Variants in IL1RN observed in about 807,000 individuals in gnomAD.
IL1RN encodes interleukin-1 receptor antagonist protein.
A neutral mutation model predicts 13.7 loss-of-function variants in IL1RN; 10 were observed. The ratio of observed to expected loss-of-function variants is 0.73; its 90% CI spans 0.45 to 1.24. The LOEUF is 1.24. Ranked by LOEUF, IL1RN falls within the 50% of genes most tolerant of loss-of-function variation. The probability of loss-of-function intolerance (pLI) is 0.00; values close to 1 mark genes in which losing one functional copy is unlikely to be tolerated. For missense variants in IL1RN, 213 were observed against 222.1 expected (o/e 0.96, Z 0.26); for synonymous variants, 102 against 82.7 (o/e 1.23, Z -1.27).
upstream of IL1RN, chr2:113,117,389 G>A (rs1200509206): frequency 2.0e-5 from 3 of 153,714 alleles, no homozygotes; most frequent in African/African-American, 7.2e-5. Context: ...CCCTCTCAGA[G>A]AGGGCTTCCC....
chr2:113,110,807 A>T (rs1686482662), upstream of IL1RN, among the ~76,000 whole-genome samples: 1 of 152,204 alleles, frequency 6.6e-6, no homozygotes, highest in Non-Finnish European at 1.5e-5. Context: ...ACTCCTTTCT[A>T]TCCCACTGTG....
rs573468124 is a variant in IL1RN, at chr2:113,127,723, C to G, written c.99C>G (p.Ser33Arg). ...TICRPSGRKS[S>R]KMQAFRIWDV... ...GCCGACCCTCTGGGAGAAAATCCAG[C>G]AAGATGCAAGCCTTCAGGTAAGGCT... The change falls in exon 1 of 4, where the codon AGC (serine) becomes AGG (arginine). Residue 33 changes from serine to arginine, a missense_variant. Transcript: ENST00000409930. 6.2e-6 allele frequency: 10 copies of G among 1,613,966 alleles called. No homozygotes were observed. The East Asian group carries it at 1.1e-4, about 18-fold the overall frequency.
intron 1 of IL1RN, among the ~76,000 whole-genome samples, chr2:113,128,544 T>G: frequency 6.6e-6 from 1 of 152,130 alleles, no homozygotes; most frequent in South Asian, 2.1e-4. Context: ...CTAGGTTGCC[T>G]CTCCCTGCTC....
chr2:113,100,705 A>G, the IL1RN span, among the ~76,000 whole-genome samples: 1 of 152,206 alleles, frequency 6.6e-6, no homozygotes, highest in Admixed American at 6.5e-5. Context: ...GTTCTGACAG[A>G]AAGCCATGTT....
chr2:113,110,379 C>T (rs17042905), upstream of IL1RN, among the ~76,000 whole-genome samples: 21,075 of 152,152 alleles, frequency 0.14, 1,621 homozygotes, highest in East Asian at 0.27. Context: ...TCCAAGCTAT[C>T]CTAGTTTTGC....
rs771212516 is a variant in IL1RN at position 113,129,631 on chromosome 2, G to A, written c.172G>A (p.Gly58Arg). The change falls in exon 2 of 4, where the codon GGA becomes AGA. Residue 58 changes from glycine to arginine, a missense_variant. By Grantham distance (125) the Gly-to-Arg change is moderately radical (BLOSUM62 -2). Coordinates refer to ENST00000409930, the MANE Select transcript of IL1RN (RefSeq NM_173842.3). ...TCTGAGGAACAACCAACTAGTTGCT[G>A]GATACTTGCAAGGACCAAATGTCAA... ...FYLRNNQLVA[G>R]YLQGPNVNLE... 1 of 1,612,632 alleles carries A rather than the reference G, an allele frequency of 6.2e-7. No homozygotes were observed. The highest frequency in any genetic ancestry group is 1.1e-5 in the South Asian group (1 of 91,042).
chr2:113,113,544 T>G (rs76205064), upstream of IL1RN, among the ~76,000 whole-genome samples: 1,109 of 152,174 alleles, frequency 7.3e-3, 18 homozygotes, highest in African/African-American at 0.026. Flanking sequence ...ATTGTATACT[T>G]AAAATTGCTA....
At chr2:113,112,972 G>T (rs572763705), upstream of IL1RN, 1 of 152,298 alleles carries the variant, frequency 6.6e-6, no homozygotes, top group African/African-American at 2.4e-5. Flanking sequence ...CTAGCTGACT[G>T]ACGGCTCTAC....
At chr2:113,128,587 G>A (rs1208592000) in intron 1 of IL1RN, among the ~76,000 whole-genome samples, 3 of 152,094 alleles carry the variant, frequency 2.0e-5, no homozygotes, top group African/African-American at 7.2e-5. Flanking sequence ...GATCCTCCTG[G>A]AGGCCCCAGC....
chr2:113,126,462 C>T (rs1431204144), upstream of IL1RN, among the ~76,000 whole-genome samples: 1 of 152,200 alleles, frequency 6.6e-6, no homozygotes, highest in Admixed American at 6.5e-5. Flanking sequence ...AGCTCTAAAA[C>T]ACTGCAACGT....
upstream of IL1RN, among the ~76,000 whole-genome samples, chr2:113,125,061 C>T (rs1037076780): frequency 2.6e-5 from 4 of 152,210 alleles, no homozygotes; most frequent in Non-Finnish European, 5.9e-5. Flanking sequence ...TCCACCCTAC[C>T]TTGGCAAGCC....
intron 1 of IL1RN, among the ~76,000 whole-genome samples, chr2:113,128,126 C>T (rs551063286): frequency 9.9e-5 from 15 of 152,200 alleles, no homozygotes; most frequent in African/African-American, 2.9e-4. Context: ...GCTGACATGT[C>T]GGAGGGTCCC....
chr2:113,123,154 T>C (rs1174445432), upstream of IL1RN, among the ~76,000 whole-genome samples: 2 of 152,198 alleles, frequency 1.3e-5, no homozygotes, highest in East Asian at 3.9e-4. Context: ...ATAAAGTAGA[T>C]TACATCAGAT....
the IL1RN span, among the ~76,000 whole-genome samples, chr2:113,100,199 G>A: frequency 2.2e-3 from 326 of 151,388 alleles, 3 homozygotes; most frequent in African/African-American, 7.5e-3. Context: ...GGTGGCGGGC[G>A]CCTGTAGTGC....
chr2:113,101,638 A>C, the IL1RN span, among the ~76,000 whole-genome samples: 2 of 152,228 alleles, frequency 1.3e-5, no homozygotes, highest in Non-Finnish European at 2.9e-5. Flanking sequence ...CGATTTTCTA[A>C]TTTAATTTAG....
intron 1 of IL1RN, chr2:113,111,207 A>G (rs1054819890): frequency 1.3e-5 from 2 of 152,246 alleles, no homozygotes; most frequent in Admixed American, 1.3e-4. Flanking sequence ...AAGGTAGGTC[A>G]AGCATTATAA....
chr2:113,124,876 A>G (rs1276550903), upstream of IL1RN, among the ~76,000 whole-genome samples: 1 of 152,144 alleles, frequency 6.6e-6, no homozygotes, highest in Admixed American at 6.5e-5. Context: ...TTCTCAGGAC[A>G]CAGCGGGGAA....
upstream of IL1RN, among the ~76,000 whole-genome samples, chr2:113,106,013 G>T (rs1326603121): frequency 6.6e-6 from 1 of 152,126 alleles, no homozygotes; most frequent in Non-Finnish European, 1.5e-5. Flanking sequence ...GTTGGAAAAT[G>T]GGCTTTTCCT....
chr2:113,122,715 C>A (rs2853628), upstream of IL1RN, among the ~76,000 whole-genome samples: 1 of 152,168 alleles, frequency 6.6e-6, no homozygotes, highest in African/African-American at 2.4e-5. Context: ...GCTCATCGGG[C>A]TGGCTTTAAA....
Sources: gnomAD v4.1 joint callset for allele counts (sites outside exome capture counted in the v4.1 genomes callset) on GRCh38, gnomAD v4.1.1 for gene constraint, MANE v1.5 for transcripts, NCBI Gene and HGNC (gene_info 2026-07-23, HGNC 2026-07-21) for gene names.